The following TMEM127 variants were observed in gnomAD, a reference collection of about 807,000 sequenced individuals.
The protein encoded by TMEM127 is transmembrane protein 127.
TMEM127 carries 21 observed loss-of-function variants against 20.1 expected under a neutral mutation model. That is an observed-to-expected ratio of 1.04 (90% CI 0.74 to 1.50). TMEM127 has a LOEUF of 1.50. TMEM127 is among the 40% of genes most tolerant of loss of function. The pLI is 0.00. For missense variants in TMEM127, 303 were observed against 317.4 expected (o/e 0.95, Z 0.34); for synonymous variants, 150 against 144.7 (o/e 1.04, Z -0.26).
chr2:96,257,718 A>G (rs888158566), intron 2 of TMEM127, among the ~76,000 whole-genome samples: 1 of 152,188 alleles, frequency 6.6e-6, no homozygotes, highest in African/African-American at 2.4e-5. Flanking sequence ...GTTTGAGACC[A>G]GCCTGACCAA....
At chr2:96,255,711 C>T (rs914846250) in intron 2 of TMEM127, among the ~76,000 whole-genome samples, 1 of 152,054 alleles carries the variant, frequency 6.6e-6, no homozygotes, top group African/African-American at 2.4e-5. Flanking sequence ...ATGAACTCAA[C>T]ACTTAAAATG....
rs936034324 is a variant in TMEM127 at position 96,254,101 on chromosome 2, T to G, written c.424A>C (p.Thr142Pro). The G allele has an allele frequency of 6.2e-6, 10 of 1,613,906 alleles. No homozygotes were observed. Among genetic ancestry groups the G allele is most frequent in the African/African-American group, 1.3e-5 (1 of 74,894 alleles). ...AHILTVLQCA[T>P]VIGFSYWASE... The stretch of plus-strand genomic sequence containing the variant: ...GCCCAATAAGAAAAGCCAATGACGG[T>G]GGCACACTGCAGAACTAGGAGACAG... The change falls in exon 4 of 4, where the codon ACC (threonine) becomes CCC (proline). Residue 142 changes from threonine to proline, a missense_variant. Coordinates refer to ENST00000258439, the MANE Select transcript of TMEM127 (RefSeq NM_017849.4).
intron 2 of TMEM127, among the ~76,000 whole-genome samples, chr2:96,259,550 G>T (rs1044533352): frequency 6.6e-6 from 1 of 152,214 alleles, no homozygotes; most frequent in Non-Finnish European, 1.5e-5. Flanking sequence ...AAAAAGGTTT[G>T]GGTCATTAAG....
At position 96,251,269 on chromosome 2, in the gene TMEM127, G is replaced by C. The variant is rs1468632895; in HGVS notation, c.*2539C>G. On this transcript the variant is annotated 3_prime_UTR_variant, in exon 4 of 4. Transcript: ENST00000258439. The stretch of plus-strand genomic sequence containing the variant: ...ACGGTGGTTCATGCCTATAATCCCA[G>C]CACTTTGGGAGGCCAAGGTGGGTGG... 9.8e-6 allele frequency: 2 copies of C among 204,540 alleles called. No individual in the cohort carries two copies. The highest frequency in any genetic ancestry group is 2.0e-5 in the Non-Finnish European group (2 of 99,974). The allele number at this position is 204,540 out of a possible 1,614,324, so 12.7% of individuals were successfully genotyped here.
intron 2 of TMEM127, among the ~76,000 whole-genome samples, chr2:96,262,252 C>G (rs192801883): frequency 7.0e-6 from 1 of 142,344 alleles, no homozygotes; most frequent in African/African-American, 2.5e-5. Flanking sequence ...GAGCAAGAGT[C>G]TGTCTCATTT....
chr2:96,251,932 A>G lies in TMEM127; in HGVS notation c.*1876T>C, dbSNP rs774381537. 4.3e-6 allele frequency: 1 copy of G among 233,192 alleles called. No homozygotes were observed. Among genetic ancestry groups the G allele is most frequent in the Non-Finnish European group, 8.5e-6 (1 of 117,838 alleles). 14.4% of individuals were successfully genotyped at this position (233,192 alleles called of 1,614,324 possible). The stretch of plus-strand genomic sequence containing the variant: ...TCTGGTCTGCCTGCTCAGACACCCA[A>G]GGGCAGAGAGAGCTGGCCACAAGTA... On this transcript the variant is annotated 3_prime_UTR_variant, in exon 4 of 4. Transcript: ENST00000258439.
At chr2:96,263,648 C>T (rs546130187) in intron 2 of TMEM127, among the ~76,000 whole-genome samples, 67 of 152,256 alleles carry the variant, frequency 4.4e-4, no homozygotes, top group Admixed American at 8.5e-4. Flanking sequence ...ATAAATGACA[C>T]GGCATCATTT....
At chr2:96,263,940 G>A (rs902835752) in intron 2 of TMEM127, among the ~76,000 whole-genome samples, 3 of 152,150 alleles carry the variant, frequency 2.0e-5, no homozygotes, top group East Asian at 1.9e-4. Flanking sequence ...AGAAAAGGCT[G>A]CATATAAGGC....
In TMEM127 at chr2:96,265,164, C is replaced by T. The variant is rs1304152721; in HGVS notation, c.218G>A (p.Gly73Asp). The T allele has an allele frequency of 6.2e-7, 1 of 1,611,460 alleles. No homozygotes were observed. Among genetic ancestry groups the T allele is most frequent in the Non-Finnish European group, 8.5e-7 (1 of 1,179,576 alleles). The stretch of plus-strand genomic sequence containing the variant: ...TTTCAGCAGGTCCGGGTGCACATAG[C>T]CCAACACGTCGGAGACCCCCAGCTC... The part of the protein sequence containing the change: ...RQELGVSDVL[G>D]YVHPDLLKDF... The change falls in exon 2 of 4, where the codon GGC becomes GAC. Residue 73 changes from glycine to aspartate, a missense_variant. Transcript: ENST00000258439.
At position 96,252,940 on chromosome 2, in the gene TMEM127, C is replaced by T; in HGVS notation, c.*868G>A. The T allele has an allele frequency of 4.3e-6, 1 of 233,404 alleles. No homozygotes were observed. Among genetic ancestry groups the T allele is most frequent in the East Asian group, 6.0e-5 (1 of 16,600 alleles). 14.5% of individuals were successfully genotyped at this position (233,404 alleles called of 1,614,324 possible). On this transcript the variant is annotated 3_prime_UTR_variant, in exon 4 of 4. Coordinates refer to ENST00000258439, the MANE Select transcript of TMEM127 (RefSeq NM_017849.4). The surrounding 1 kb of genome is among the most constrained non-coding windows in gnomAD (Gnocchi z 4.2). ...ACTACCATGGGCTTGGAAGGAGCTA[C>T]AGCCCCAAATATTGCAGAGCCAAAA... is the stretch of plus-strand genomic sequence containing the variant.
intron 3 of TMEM127, among the ~76,000 whole-genome samples, chr2:96,254,489 C>A (rs550349060): frequency 6.6e-6 from 1 of 152,270 alleles, no homozygotes; most frequent in Non-Finnish European, 1.5e-5. Context: ...GAGAATCTGA[C>A]CAGGAGCTCC....
At position 96,252,084 on chromosome 2, in the gene TMEM127, G is replaced by C. The variant is rs1249821917; in HGVS notation, c.*1724C>G. 4.3e-6 allele frequency: 1 copy of C among 233,370 alleles called. No homozygotes were observed. The highest frequency in any genetic ancestry group is 8.5e-6 in the Non-Finnish European group (1 of 118,048). The allele number at this position is 233,370 out of a possible 1,614,324, so 14.5% of individuals were successfully genotyped here. A position where few individuals can be genotyped will look rare whatever the true frequency, so the allele number is the denominator to read the frequency against. ...CCTGAGAGAAGAGTCCAGAAGAGCA[G>C]GAGAGTCACCTTTGAACACACTCTG... is the stretch of plus-strand genomic sequence containing the variant. On this transcript the variant is annotated 3_prime_UTR_variant, in exon 4 of 4. Transcript: ENST00000258439. This position sits in a 1 kb window ranked among gnomAD's most constrained non-coding sequence, Gnocchi z 4.2.
In TMEM127 at chr2:96,254,844, TG is replaced by T. The variant is rs1558752379; in HGVS notation, c.397del (p.His133IlefsTer3). On this transcript the variant is annotated frameshift_variant, in exon 3 of 4. Transcript: ENST00000258439. LOFTEE classifies it high-confidence loss of function. ...GGCTCACGGCTTACCCGTTAGGATA[TG>T]GGCGAAGGCATAGCGACGAGTGATC... ...LKITRRYAFAHILTVLQCATV... is the reference protein window; with the variant it reads ...LKITRRYAFAXILTVLQCATV... The T allele has an allele frequency of 6.2e-7, 1 of 1,614,106 alleles. No individual in the cohort carries two copies. The highest frequency in any genetic ancestry group is 8.5e-7 in the Non-Finnish European group (1 of 1,179,988).
chr2:96,265,624 GGAC>G (rs763612566), intron 1 of TMEM127, 112 bp from the exon 2 acceptor site: 86 of 412,142 alleles, frequency 2.1e-4, no homozygotes, highest in Non-Finnish European at 3.1e-4. Context: ...TGGGACTGCG[GGAC>G]GACAACCGAA....
At position 96,249,600 on chromosome 2, in the gene TMEM127, C is replaced by CA. The variant is rs1253753721; in HGVS notation, c.*4207dup. On this transcript the variant is annotated 3_prime_UTR_variant, in exon 4 of 4. Transcript: ENST00000258439. ...TGGTGAGACTGTCTCTACCCACCCCCACAAAAAAAACATTTTCTCTTCTCC... is the reference window on the plus strand; with the variant it reads ...TGGTGAGACTGTCTCTACCCACCCCCAACAAAAAAAACATTTTCTCTTCTCC... The CA allele has an allele frequency of 8.6e-6, 2 of 231,380 alleles. No homozygotes were observed. The highest frequency in any genetic ancestry group is 3.6e-4 in the South Asian group (2 of 5,512). The allele number at this position is 231,380 out of a possible 1,614,324, so 14.3% of individuals were successfully genotyped here.
At position 96,249,089 on chromosome 2, in the gene TMEM127, GTGGTGT is replaced by G; in HGVS notation, c.*4713_*4718del. ...TGGTGAGGAACCTGTGTGTGTGTGT[GTGGTGT>G]GTGTGTGTGTGTGTGTGTGTGTTTG... On this transcript the variant is annotated 3_prime_UTR_variant, in exon 4 of 4. Coordinates refer to ENST00000258439, the MANE Select transcript of TMEM127 (RefSeq NM_017849.4). 2 of 227,342 alleles carry G rather than the reference GTGGTGT, an allele frequency of 8.8e-6. No homozygotes were observed. Among genetic ancestry groups the G allele is most frequent in the South Asian group, 1.9e-4 (1 of 5,220 alleles). 14.1% of individuals were successfully genotyped at this position (227,342 alleles called of 1,614,324 possible). A position where few individuals can be genotyped will look rare whatever the true frequency, so the allele number is the denominator to read the frequency against.
chr2:96,258,688 T>C (rs1573973108), intron 2 of TMEM127, among the ~76,000 whole-genome samples: 1 of 152,272 alleles, frequency 6.6e-6, no homozygotes, highest in Middle Eastern at 3.4e-3. Context: ...AGAGCCATAG[T>C]GCATGGGGCC....
In TMEM127 at chr2:96,251,693, A is replaced by ATTT. The variant is rs1300058046; in HGVS notation, c.*2112_*2114dup. 10 of 232,446 alleles carry ATTT rather than the reference A, an allele frequency of 4.3e-5. No homozygotes were observed. The highest frequency in any genetic ancestry group is 2.8e-4 in the Admixed American group (5 of 17,732). 14.4% of individuals were successfully genotyped at this position (232,446 alleles called of 1,614,324 possible). On this transcript the variant is annotated 3_prime_UTR_variant, in exon 4 of 4. Transcript: ENST00000258439. ...TTTTTTGGTTTTGTTTTCCCTTTTAATTTTTTTCTAGAAAAAAAAACACAA... is the reference window on the plus strand; with the variant it reads ...TTTTTTGGTTTTGTTTTCCCTTTTAATTTTTTTTTTCTAGAAAAAAAAACACAA...
At chr2:96,261,989 G>A (rs1338365608) in intron 2 of TMEM127, among the ~76,000 whole-genome samples, 1 of 152,126 alleles carries the variant, frequency 6.6e-6, no homozygotes, top group Non-Finnish European at 1.5e-5. Flanking sequence ...GGCCAGGAGC[G>A]GTGGCTCATG....
Sources: allele counts gnomAD v4.1 joint callset (sites outside exome capture counted in the v4.1 genomes callset), GRCh38; gene constraint gnomAD v4.1.1; non-coding constraint Gnocchi (gnomAD v3.1); transcripts MANE v1.5; gene names NCBI Gene and HGNC (gene_info 2026-07-23, HGNC 2026-07-21).